The following ELMO1 variants were observed in gnomAD, a reference collection of about 807,000 sequenced individuals.
ELMO1 encodes engulfment and cell motility protein 1.
In ELMO1, 26 loss-of-function variants were observed where a neutral mutation model predicts 98.9. The observed-to-expected ratio is 0.26, with a 90% CI of 0.19 to 0.36. ELMO1 has a LOEUF of 0.36. ELMO1 is among the 10% of genes least tolerant of loss of function. The probability of loss-of-function intolerance (pLI) is 1.00; values close to 1 mark genes in which losing one functional copy is unlikely to be tolerated. For synonymous variants in ELMO1, 346 were observed against 346.0 expected (o/e 1.00, Z 0.00); for missense variants, 627 against 935.2 (o/e 0.67, Z 4.30).
chr7:37,171,481 CTATTTT>C lies in ELMO1; in HGVS notation c.1087-38253_1087-38248del, dbSNP rs1399883555. Among the ~76,000 whole-genome samples, 48 of 44,268 alleles carry C rather than the reference CTATTTT, an allele frequency of 1.1e-3. 1 individual carries two copies. Among genetic ancestry groups the C allele is most frequent in the Non-Finnish European group, 2.1e-3 (41 of 19,716 alleles). The allele number at this position is 44,268 out of a possible 152,430, so 29.0% of individuals were successfully genotyped here. A position where few individuals can be genotyped will look rare whatever the true frequency, so the allele number is the denominator to read the frequency against. On this transcript the variant is annotated intron_variant, in intron 13 of 21. Transcript: ENST00000310758. ...AGTTTATTCTTGTAACCAGGCCTTT[CTATTTT>C]TTTTTTTTTTTTTTTTTTTTTTTGA...
Position 36,855,690 on chromosome 7 carries a change from G to A in ELMO1, c.2045C>T (p.Thr682Met), listed in dbSNP as rs182459066. ...GAGCAGGGTGTCCAGGTCATTCCGC[G>A]TCAGGTCGCTCATCATGTCCTTCCC... ...LLGKDMMSDL[T>M]RNDLDTLLSM... Residue 682 changes from threonine (T) to methionine (M), a missense_variant, in exon 22 of 22, where the codon ACG becomes ATG. This residue lies in a region of ELMO1 where 492 missense variants were observed against 715.6 expected (regional missense o/e 0.69). Coordinates refer to ENST00000310758, the MANE Select transcript of ELMO1 (RefSeq NM_014800.11). The surrounding 1 kb of genome is among the most constrained non-coding windows in gnomAD (Gnocchi z 4.2). The A allele has an allele frequency of 1.1e-4, 176 of 1,614,116 alleles. No individual in the cohort carries two copies. In the East Asian group the frequency reaches 2.6e-3, roughly 24 times the overall value.
At chr7:37,267,473 G>A (rs1796327366) in intron 5 of ELMO1, among the ~76,000 whole-genome samples, 1 of 152,224 alleles carries the variant, frequency 6.6e-6, no homozygotes, top group Non-Finnish European at 1.5e-5. Context: ...TGTTCATCCT[G>A]CAGTGCTTTT....
intron 1 of ELMO1, among the ~76,000 whole-genome samples, chr7:37,400,855 C>G (rs748139314): frequency 1.3e-5 from 2 of 152,126 alleles, no homozygotes; most frequent in Non-Finnish European, 2.9e-5. Context: ...GAAGAAAAAA[C>G]AATTTTCTTC....
intron 1 of ELMO1, among the ~76,000 whole-genome samples, chr7:37,403,868 A>G (rs1278778972): frequency 6.6e-6 from 1 of 152,156 alleles, no homozygotes; most frequent in Non-Finnish European, 1.5e-5. Flanking sequence ...GTCAAAACCC[A>G]TAGAACATAC....
intron 13 of ELMO1, among the ~76,000 whole-genome samples, chr7:37,143,900 A>G (rs535689545): frequency 6.6e-6 from 1 of 151,168 alleles, no homozygotes; most frequent in South Asian, 2.1e-4. Context: ...TAGTAGAGAC[A>G]GGGTTTCCTC....
At chr7:37,419,459 A>G (rs1804376875) in intron 1 of ELMO1, among the ~76,000 whole-genome samples, 1 of 152,080 alleles carries the variant, frequency 6.6e-6, no homozygotes, top group African/African-American at 2.4e-5. Context: ...TTGTCCTCTC[A>G]GGGTTGTTGT....
chr7:37,022,110 C>A (rs563578952), intron 15 of ELMO1, among the ~76,000 whole-genome samples: 65 of 152,200 alleles, frequency 4.3e-4, no homozygotes, highest in African/African-American at 1.6e-3. Flanking sequence ...ATCAGTTCTG[C>A]GTGGATTATA....
chr7:37,372,338 G>A (rs778296628), intron 1 of ELMO1, among the ~76,000 whole-genome samples: 2 of 152,124 alleles, frequency 1.3e-5, no homozygotes, highest in Admixed American at 6.5e-5. Context: ...GGTGATTCTG[G>A]GTAAATCGGT....
chr7:36,926,838 A>G (rs981236517), intron 16 of ELMO1, among the ~76,000 whole-genome samples: 1 of 152,230 alleles, frequency 6.6e-6, no homozygotes, highest in Non-Finnish European at 1.5e-5. Flanking sequence ...AATGCAACAG[A>G]ATCCCATAAT....
At chr7:37,326,752 CAAAGATAG>C (rs1446186740) in intron 2 of ELMO1, among the ~76,000 whole-genome samples, 1 of 152,034 alleles carries the variant, frequency 6.6e-6, no homozygotes, top group Non-Finnish European at 1.5e-5. Context: ...TGAAGATAAG[CAAAGATAG>C]AAATAATTAT....
intron 20 of ELMO1, among the ~76,000 whole-genome samples, chr7:36,868,423 G>A (rs1447336509): frequency 6.7e-6 from 1 of 149,768 alleles, no homozygotes; most frequent in African/African-American, 2.5e-5. Context: ...TCGGCTCATC[G>A]CAACCTCCAC....
intron 16 of ELMO1, among the ~76,000 whole-genome samples, chr7:36,910,112 C>T (rs1784240545): frequency 6.6e-6 from 1 of 152,168 alleles, no homozygotes; most frequent in Non-Finnish European, 1.5e-5. Context: ...AACTCACACT[C>T]ACAATATTAT....
At chr7:37,072,273 C>G (rs1340121364) in intron 15 of ELMO1, among the ~76,000 whole-genome samples, 1 of 152,242 alleles carries the variant, frequency 6.6e-6, no homozygotes, top group East Asian at 1.9e-4. Flanking sequence ...GTAGGAGGAG[C>G]CTGGTGGGAA....
intron 13 of ELMO1, among the ~76,000 whole-genome samples, chr7:37,165,599 TG>T (rs1446825490): frequency 1.3e-5 from 2 of 151,948 alleles, no homozygotes; most frequent in Middle Eastern, 3.2e-3. Context: ...GATAATCATG[TG>T]GTTTTTGTCT....
At chr7:37,375,511 G>C (rs1802298989) in intron 1 of ELMO1, 2 of 856,106 alleles carry the variant, frequency 2.3e-6, no homozygotes, top group South Asian at 1.4e-5. Context: ...CCGGACCCCA[G>C]AGCCACCAAG....
intron 1 of ELMO1, among the ~76,000 whole-genome samples, chr7:37,354,210 T>C (rs915683319): frequency 6.6e-6 from 1 of 152,216 alleles, no homozygotes; most frequent in African/African-American, 2.4e-5. Context: ...GACAGCATGG[T>C]AAAGAGCAAC....
intron 17 of ELMO1, among the ~76,000 whole-genome samples, chr7:36,892,670 T>A (rs947268309): frequency 9.8e-5 from 15 of 152,368 alleles, no homozygotes; most frequent in African/African-American, 3.4e-4. Flanking sequence ...TGTAACCCCA[T>A]AATGAATTCC....
chr7:37,118,031 A>G (rs1785718938), intron 14 of ELMO1, among the ~76,000 whole-genome samples: 1 of 152,236 alleles, frequency 6.6e-6, no homozygotes, highest in African/African-American at 2.4e-5. Flanking sequence ...AATGGGAACA[A>G]AAAACTGTTG....
At chr7:37,387,388 T>C (rs1802853844) in intron 1 of ELMO1, among the ~76,000 whole-genome samples, 1 of 152,204 alleles carries the variant, frequency 6.6e-6, no homozygotes, top group Admixed American at 6.5e-5. Context: ...CCTTGGCTTA[T>C]AGCAGCAACA....
Sources: allele counts gnomAD v4.1 joint callset (sites outside exome capture counted in the v4.1 genomes callset), GRCh38; gene constraint gnomAD v4.1.1; regional missense constraint gnomAD v4.1.1; non-coding constraint Gnocchi (gnomAD v3.1); transcripts MANE v1.5; gene names NCBI Gene and HGNC (gene_info 2026-07-23, HGNC 2026-07-21).